The following FAM91A1 variants were observed in gnomAD, a reference collection of about 807,000 sequenced individuals.
The protein encoded by FAM91A1 is protein FAM91A1.
Under a neutral mutation model 113.5 loss-of-function variants are expected in FAM91A1, and 41 were observed. The ratio of observed to expected loss-of-function variants is 0.36; its 90% CI spans 0.28 to 0.47. The LOEUF (loss-of-function observed/expected upper bound fraction) is 0.47. Ranked by LOEUF, FAM91A1 falls within the 20% of genes least tolerant of loss-of-function variation. The pLI is 1.00. For synonymous variants in FAM91A1, 307 were observed against 347.9 expected, an observed-to-expected ratio of 0.88 and a Z score of 1.31; for missense variants, 696 against 1,001.2, an observed-to-expected ratio of 0.70 and a Z score of 4.11.
chr8:123,787,814 T>G (rs1815294943), intron 14 of FAM91A1, 64 bp downstream of exon 14: 2 of 1,308,336 alleles, frequency 1.5e-6, no homozygotes, highest in Admixed American at 2.1e-5. Flanking sequence ...CTTGACAGAA[T>G]GCCAATTATA....
intron 15 of FAM91A1, among the ~76,000 whole-genome samples, chr8:123,793,232 A>G (rs774614880): frequency 2.0e-5 from 3 of 151,768 alleles, no homozygotes; most frequent in Non-Finnish European, 4.4e-5. Context: ...ATAGTCAACT[A>G]TTTTTTTTCT....
rs561627482 is a variant in FAM91A1, at chr8:123,813,647, C to A, written c.*943C>A. The stretch of plus-strand genomic sequence containing the variant: ...CTTTGAAGACATACTCTTAAGCAAT[C>A]TGGATCTTAAATTTATGTGAATACT... On this transcript the variant is annotated 3_prime_UTR_variant, in exon 24 of 24. Coordinates refer to ENST00000334705, the MANE Select transcript of FAM91A1 (RefSeq NM_144963.4). 1 of 152,208 alleles carries A rather than the reference C, an allele frequency of 6.6e-6. No homozygotes were observed. Among genetic ancestry groups the A allele is most frequent in the African/African-American group, 2.4e-5 (1 of 41,440 alleles). The allele number at this position is 152,208 out of a possible 1,614,324, so 9.4% of individuals were successfully genotyped here.
At chr8:123,787,477 G>A (rs971697566) in intron 13 of FAM91A1, 104 bp downstream of exon 13, 20 of 1,058,840 alleles carry the variant, frequency 1.9e-5, no homozygotes, top group Middle Eastern at 6.3e-4. Context: ...ATTTATTCCC[G>A]AAGCACAACT....
chr8:123,815,326 A>C lies in FAM91A1; in HGVS notation c.*2622A>C, dbSNP rs1196280260. ...AAAATACCAAACTGTAACTGAGTAC[A>C]GTGGATCGTTTTCTGTTAGGATGTT... On this transcript the variant is annotated 3_prime_UTR_variant, in exon 24 of 24. Transcript: ENST00000334705. The C allele has an allele frequency of 6.6e-6, 1 of 152,588 alleles. No homozygotes were observed. The highest frequency in any genetic ancestry group is 1.5e-5 in the Non-Finnish European group (1 of 68,018). The allele number at this position is 152,588 out of a possible 1,614,324, so 9.5% of individuals were successfully genotyped here.
chr8:123,812,395 T>TGGTC, intron 23 of FAM91A1, 124 bp from the exon 24 acceptor site: 3 of 617,582 alleles, frequency 4.9e-6, no homozygotes, highest in South Asian at 3.6e-5. Context: ...TCTTTGCATC[T>TGGTC]CCTGTACTGC....
intron 15 of FAM91A1, among the ~76,000 whole-genome samples, chr8:123,791,586 A>G (rs1815386876): frequency 6.6e-6 from 1 of 152,176 alleles, no homozygotes; most frequent in South Asian, 2.1e-4. Context: ...GTTAAATTTG[A>G]TGAATGCCTC....
Position 123,805,302 on chromosome 8 carries a change from T to C in FAM91A1, c.1845T>C (p.His615=). The C allele has an allele frequency of 6.2e-7, 1 of 1,613,136 alleles. No homozygotes were observed. Among genetic ancestry groups the C allele is most frequent in the Non-Finnish European group, 8.5e-7 (1 of 1,179,578 alleles). ...TGCATGGGATAGGAGAAACTGTCCA[T>C]GTCCCATTTCCATTTGATGAAACAG... ...HGLHGIGETV[H]VPFPFDETEL... is the part of the protein sequence containing the mutation. The change falls in exon 19 of 24, where the codon CAT becomes CAC. Residue 615 remains histidine (H), a synonymous_variant. Coordinates refer to ENST00000334705, the MANE Select transcript of FAM91A1 (RefSeq NM_144963.4).
intron 7 of FAM91A1, 86 bp downstream of exon 7, chr8:123,780,161 G>C (rs1420514241): frequency 4.5e-6 from 5 of 1,112,020 alleles, no homozygotes; most frequent in Non-Finnish European, 6.6e-6. Flanking sequence ...TTATCAAGTA[G>C]GTACAAATAG....
intron 11 of FAM91A1, 33 bp from the exon 12 acceptor site, chr8:123,786,462 T>C (rs762313250): frequency 6.9e-7 from 1 of 1,455,598 alleles, no homozygotes; most frequent in Non-Finnish European, 9.6e-7. Flanking sequence ...ATTTATATGA[T>C]TTTTAAAAAG....
chr8:123,812,404 G>A, intron 23 of FAM91A1, 115 bp from the exon 24 acceptor site: 12 of 665,338 alleles, frequency 1.8e-5, no homozygotes, highest in South Asian at 4.5e-5. Flanking sequence ...CTCCTGTACT[G>A]CTTTGCAATC....
intron 8 of FAM91A1, among the ~76,000 whole-genome samples, chr8:123,781,386 G>T (rs1232427186): frequency 6.6e-6 from 1 of 151,830 alleles, no homozygotes; most frequent in Non-Finnish European, 1.5e-5. Context: ...ATCTTGACAA[G>T]ATATCATGCT....
intron 3 of FAM91A1, among the ~76,000 whole-genome samples, chr8:123,776,742 C>A (rs548550849): frequency 6.6e-6 from 1 of 152,268 alleles, no homozygotes; most frequent in African/African-American, 2.4e-5. Context: ...GCCTTATCCC[C>A]ACAGGAAGCA....
rs1273574700 is a variant in FAM91A1 at position 123,780,040 on chromosome 8, A to G, written c.605A>G (p.Gln202Arg). The G allele has an allele frequency of 1.2e-6, 2 of 1,613,658 alleles. No individual in the cohort carries two copies. Among genetic ancestry groups the G allele is most frequent in the Non-Finnish European group, 8.5e-7 (1 of 1,179,710 alleles). Reference protein sequence around the residue: ...AVDKIIDSGPQLSGSLDYNVV... With the variant: ...AVDKIIDSGPRLSGSLDYNVV... ...GATAAGATCATCGATTCAGGCCCTC[A>G]ACTCTCTGGATCACTAGATTACAAT... The change falls in exon 7 of 24, where the codon CAA becomes CGA. Residue 202 changes from glutamine (Q) to arginine (R), a missense_variant. Coordinates refer to ENST00000334705, the MANE Select transcript of FAM91A1 (RefSeq NM_144963.4).
At chr8:123,792,168 C>A (rs140308381) in intron 15 of FAM91A1, among the ~76,000 whole-genome samples, 10 of 152,090 alleles carry the variant, frequency 6.6e-5, no homozygotes, top group Admixed American at 2.0e-4. Context: ...GACTGAGACT[C>A]CGTCTCAGAA....
chr8:123,799,580 G>A lies in FAM91A1; in HGVS notation c.1621G>A (p.Val541Ile), dbSNP rs369615559. Residue 541 changes from valine (V) to isoleucine (I), a missense_variant, in exon 17 of 24, where the codon GTC becomes ATC. Physicochemically the swap from Val to Ile is conservative, Grantham distance 29 (BLOSUM62 3). Transcript: ENST00000334705. ...CTGGTTTAAACTGTACATTTATCAT[G>A]TCACTGGACAAGGACCACCATCCCT... ...SVWFKLYIYH[V>I]TGQGPPSLLL... is the part of the protein sequence containing the mutation. 16 of 1,614,066 alleles carry A rather than the reference G, an allele frequency of 9.9e-6. No individual in the cohort carries two copies. The highest frequency in any genetic ancestry group is 1.1e-5 in the Non-Finnish European group (13 of 1,179,974).
chr8:123,777,786 T>C (rs535385172), intron 4 of FAM91A1, among the ~76,000 whole-genome samples: 2 of 152,240 alleles, frequency 1.3e-5, no homozygotes, highest in Non-Finnish European at 2.9e-5. Flanking sequence ...CTTCCTAAAA[T>C]TGGCAGGACT....
At position 123,815,333 on chromosome 8, in the gene FAM91A1, C is replaced by T. The variant is rs1229980512; in HGVS notation, c.*2629C>T. ...CAAACTGTAACTGAGTACAGTGGAT[C>T]GTTTTCTGTTAGGATGTTAATATTA... is the stretch of plus-strand genomic sequence containing the variant. On this transcript the variant is annotated 3_prime_UTR_variant, in exon 24 of 24. Transcript: ENST00000334705. 9 of 152,240 alleles carry T rather than the reference C, an allele frequency of 5.9e-5. No individual in the cohort carries two copies. Among genetic ancestry groups the T allele is most frequent in the East Asian group, 3.9e-4 (2 of 5,166 alleles). 9.4% of individuals were successfully genotyped at this position (152,240 alleles called of 1,614,324 possible).
chr8:123,778,234 A>G, intron 5 of FAM91A1, 142 bp downstream of exon 5: 1 of 592,128 alleles, frequency 1.7e-6, no homozygotes, highest in East Asian at 2.9e-5. Context: ...AAAACTCCTC[A>G]GTATTCTCTA....
Position 123,768,732 on chromosome 8 carries a change from G to T in FAM91A1, c.30G>T (p.Arg10=), listed in dbSNP as rs767449243. ...ACATAGACGTGGAGTTCCACATCCG[G>T]CACAACTACCCCTGGAACAAGTTGC... MNIDVEFHI[R]HNYPWNKLPA... The change falls in exon 1 of 24, where the codon CGG becomes CGT. Residue 10 remains arginine, a synonymous_variant. Transcript: ENST00000334705. 2 of 1,611,204 alleles carry T rather than the reference G, an allele frequency of 1.2e-6. No individual in the cohort carries two copies. The highest frequency in any genetic ancestry group is 2.2e-5 in the South Asian group (2 of 90,674).
Sources: allele counts gnomAD v4.1 joint callset (sites outside exome capture counted in the v4.1 genomes callset), GRCh38; gene constraint gnomAD v4.1.1; transcripts MANE v1.5; gene names NCBI Gene and HGNC (gene_info 2026-07-23, HGNC 2026-07-21).